PACRG: variants seen among roughly 807,000 people sequenced by gnomAD.
PACRG encodes the protein parkin coregulated gene protein.
In PACRG, 29 loss-of-function variants were observed where a neutral mutation model predicts 29.7. The ratio of observed to expected loss-of-function variants is 0.98; its 90% confidence interval spans 0.73 to 1.33. The LOEUF is 1.33. Among genes scored for constraint, PACRG ranks in the 40% most tolerant of loss-of-function variants. The pLI, the probability that PACRG is intolerant of heterozygous loss-of-function variation, is 0.00. For missense variants in PACRG, 279 were observed against 316.2 expected, an observed-to-expected ratio of 0.88 and a Z score of 0.89; for synonymous variants, 116 against 118.7, an observed-to-expected ratio of 0.98 and a Z score of 0.15.
intron 1 of PACRG, among the ~76,000 whole-genome samples, chr6:162,742,797 TGA>T (rs1290947255): frequency 2.6e-5 from 4 of 151,986 alleles, no homozygotes; most frequent in Non-Finnish European, 4.4e-5. Context: ...GTAATAAACA[TGA>T]GAGTGAAGCT....
chr6:163,277,636 T>C (rs1185264818), intron 4 of PACRG, among the ~76,000 whole-genome samples: 1 of 146,848 alleles, frequency 6.8e-6, no homozygotes, highest in Non-Finnish European at 1.5e-5. Flanking sequence ...TATACATACG[T>C]GTATATATAT....
At chr6:162,794,154 C>T (rs563326934) in intron 1 of PACRG, among the ~76,000 whole-genome samples, 35 of 152,050 alleles carry the variant, frequency 2.3e-4, no homozygotes, top group Non-Finnish European at 4.1e-4. Context: ...ATTTTTTTGT[C>T]ATCTAGTAAC....
At chr6:163,153,331 C>G (rs914483586) in intron 4 of PACRG, among the ~76,000 whole-genome samples, 4 of 152,156 alleles carry the variant, frequency 2.6e-5, no homozygotes, top group African/African-American at 7.2e-5. Context: ...ACTCCTGGAT[C>G]CCCCTGAGCA....
chr6:162,742,354 T>C (rs1435381370), intron 1 of PACRG, among the ~76,000 whole-genome samples: 1 of 152,230 alleles, frequency 6.6e-6, no homozygotes. Flanking sequence ...GTTGCCACCA[T>C]GTAAGACATA....
chr6:163,092,780 T>C (rs1013014768), intron 4 of PACRG, among the ~76,000 whole-genome samples: 2 of 152,200 alleles, frequency 1.3e-5, no homozygotes, highest in Admixed American at 1.3e-4. Context: ...GCCATTATGA[T>C]TACACAACAT....
intron 4 of PACRG, among the ~76,000 whole-genome samples, chr6:163,223,891 G>T (rs1349014285): frequency 6.6e-6 from 1 of 152,216 alleles, no homozygotes; most frequent in African/African-American, 2.4e-5. Context: ...GATTCTGTTA[G>T]TCAGGTTCCC....
intron 2 of PACRG, among the ~76,000 whole-genome samples, chr6:162,999,947 T>G (rs1214634858): frequency 6.6e-6 from 1 of 152,196 alleles, no homozygotes; most frequent in African/African-American, 2.4e-5. Flanking sequence ...CACAAATGCC[T>G]ACAATGGTAA....
At chr6:162,977,842 A>G (rs1448805263) in intron 2 of PACRG, among the ~76,000 whole-genome samples, 1 of 152,162 alleles carries the variant, frequency 6.6e-6, no homozygotes, top group African/African-American at 2.4e-5. Flanking sequence ...AAGCACTGAC[A>G]TATGTATAAA....
At chr6:163,021,589 A>G (rs746848787) in intron 2 of PACRG, among the ~76,000 whole-genome samples, 2 of 151,582 alleles carry the variant, frequency 1.3e-5, no homozygotes, top group Non-Finnish European at 2.9e-5. Flanking sequence ...AACAGATCCC[A>G]TTTCTTATTC....
intron 4 of PACRG, among the ~76,000 whole-genome samples, chr6:163,129,819 G>T (rs946651747): frequency 6.6e-6 from 1 of 151,938 alleles, no homozygotes. Flanking sequence ...AAGGGTAACA[G>T]TAGTTTTGGC....
intron 2 of PACRG, among the ~76,000 whole-genome samples, chr6:162,814,672 T>C (rs1787176247): frequency 6.6e-6 from 1 of 152,108 alleles, no homozygotes; most frequent in South Asian, 2.1e-4. Flanking sequence ...AAATGGAAGC[T>C]TTAATTACCT....
chr6:163,201,430 T>C (rs999237924), intron 4 of PACRG, among the ~76,000 whole-genome samples: 6 of 152,326 alleles, frequency 3.9e-5, no homozygotes, highest in African/African-American at 1.4e-4. Context: ...GGGTGTTCCC[T>C]GAGCTACAAA....
rs1378126742 is a variant in PACRG, at chr6:162,757,248, C to A, written c.156+28857C>A. ...TGTTTGTGAATTTTATATTTGTGTTCATAATTGATACTGATCTATAATTTT... is the reference window on the plus strand; with the variant it reads ...TGTTTGTGAATTTTATATTTGTGTTAATAATTGATACTGATCTATAATTTT... On this transcript the variant is annotated intron_variant, in intron 1 of 4. Coordinates refer to ENST00000366888, the MANE Select transcript of PACRG (RefSeq NM_001080379.2). Among the ~76,000 whole-genome samples, 12 of 152,216 alleles carry A rather than the reference C, an allele frequency of 7.9e-5. No homozygotes were observed. The East Asian group carries it at 1.9e-3, about 24-fold the overall frequency.
chr6:163,105,166 G>A (rs1449903902), intron 4 of PACRG, among the ~76,000 whole-genome samples: 3 of 151,954 alleles, frequency 2.0e-5, no homozygotes, highest in Admixed American at 2.0e-4. Context: ...CCTTTCCTGA[G>A]TAATAATCAC....
chr6:162,923,070 C>T (rs1048208780), intron 2 of PACRG, among the ~76,000 whole-genome samples: 2 of 152,122 alleles, frequency 1.3e-5, no homozygotes, highest in African/African-American at 4.8e-5. Flanking sequence ...GATAGACATT[C>T]TAACCAGAGG....
intron 4 of PACRG, among the ~76,000 whole-genome samples, chr6:163,179,929 C>G (rs890173426): frequency 1.3e-5 from 2 of 152,204 alleles, no homozygotes; most frequent in African/African-American, 4.8e-5. Context: ...CCAGGCACCC[C>G]GTCCAGTGTC....
chr6:162,814,111 T>C (rs1421517786), intron 1 of PACRG, 36 bp from the exon 2 acceptor site: 1 of 1,586,534 alleles, frequency 6.3e-7, no homozygotes, highest in Admixed American at 1.9e-5. Context: ...TAGTATGTCT[T>C]AAAACCTGAT....
At chr6:162,992,401 A>T (rs1437701930) in intron 2 of PACRG, among the ~76,000 whole-genome samples, 1 of 145,450 alleles carries the variant, frequency 6.9e-6, no homozygotes, top group African/African-American at 2.6e-5. Context: ...ACTATTGATT[A>T]TTGCCCCAAT....
intron 2 of PACRG, among the ~76,000 whole-genome samples, chr6:162,862,258 C>T (rs969959240): frequency 7.2e-5 from 11 of 152,102 alleles, no homozygotes; most frequent in Admixed American, 2.0e-4. Context: ...CACGAGACTC[C>T]GGATTATAGG....
Sources: allele counts gnomAD v4.1 joint callset (sites outside exome capture counted in the v4.1 genomes callset), GRCh38; gene constraint gnomAD v4.1.1; transcripts MANE v1.5; gene names NCBI Gene and HGNC (gene_info 2026-07-23, HGNC 2026-07-21).